MYO15B: variants seen among roughly 807,000 people sequenced by gnomAD.
MYO15B encodes the protein myosin XVB.
MYO15B carries 207 observed loss-of-function variants against 119.3 expected under a neutral mutation model. The ratio of observed to expected loss-of-function variants is 1.73; its 90% confidence interval spans 1.55 to 1.95. The LOEUF (loss-of-function observed/expected upper bound fraction) is 1.95. MYO15B is among the 30% of genes most tolerant of loss of function. The pLI, the probability that MYO15B is intolerant of heterozygous loss-of-function variation, is 0.00. For missense variants in MYO15B, 2,264 were observed against 1,203.1 expected, an observed-to-expected ratio of 1.88 and a Z score of -13.04; for synonymous variants, 966 against 498.9, an observed-to-expected ratio of 1.94 and a Z score of -12.48.
At chr17:75,603,226 A>G in exon 19 of MYO15B, 1 of 703,086 alleles carries the variant, frequency 1.4e-6, no homozygotes, top group Non-Finnish European at 2.6e-6. Context: ...TGACAGAGCA[A>G]CTGCACCAGG....
At chr17:75,626,346 C>T (rs1354028254) in intron 63 of MYO15B, 61 bp from the exon 64 acceptor site, 2 of 701,672 alleles carry the variant, frequency 2.9e-6, no homozygotes, top group Non-Finnish European at 2.6e-6. Flanking sequence ...GTGCTGTGGG[C>T]CGGGGCAGAG....
chr17:75,608,765 G>A (rs1054510110), intron 21 of MYO15B, among the ~76,000 whole-genome samples: 8 of 151,922 alleles, frequency 5.3e-5, no homozygotes, highest in African/African-American at 1.9e-4. Context: ...ATGGAGTCTC[G>A]CTCTGTTGCC....
chr17:75,622,419 G>C (rs185751891), intron 53 of MYO15B, among the ~76,000 whole-genome samples: 15 of 152,172 alleles, frequency 9.9e-5, no homozygotes, highest in Admixed American at 8.5e-4. Context: ...GTTCAGATGT[G>C]GGGGGAAGCC....
At chr17:75,592,430 C>T in exon 8 of MYO15B, 2 of 625,500 alleles carry the variant, frequency 3.2e-6, no homozygotes, top group East Asian at 2.7e-5. Context: ...TCCCCAAGGC[C>T]CAGGCTGAGC....
At chr17:75,601,139 G>C (rs2057254635) in intron 14 of MYO15B, among the ~76,000 whole-genome samples, 1 of 151,000 alleles carries the variant, frequency 6.6e-6, no homozygotes, top group Non-Finnish European at 1.5e-5. Flanking sequence ...TCCTGACCTT[G>C]TGATCTGCCT....
intron 18 of MYO15B, 37 bp downstream of exon 18, chr17:75,603,114 C>G (rs3803725): frequency 6.0e-5 from 42 of 703,110 alleles, no homozygotes; most frequent in African/African-American, 1.2e-4. Flanking sequence ...GGCCCTCCCC[C>G]TCCCTGCACC....
chr17:75,624,671 C>T, intron 58 of MYO15B, 32 bp downstream of exon 58: 1 of 702,926 alleles, frequency 1.4e-6, no homozygotes, highest in African/African-American at 1.7e-5. Context: ...CACGGTGGGG[C>T]CACTCCCCTG....
chr17:75,620,955 A>AGGGATG (rs1335189792), intron 49 of MYO15B, 76 bp from the exon 50 acceptor site: 9 of 700,026 alleles, frequency 1.3e-5, no homozygotes, highest in Admixed American at 1.0e-4. Flanking sequence ...CTGGCTGGGG[A>AGGGATG]GGGATGGGGC....
chr17:75,603,206 G>A (rs555819887), exon 19 of MYO15B: 13 of 703,040 alleles, frequency 1.8e-5, no homozygotes, highest in East Asian at 8.0e-5. Context: ...CCTCTTTGAC[G>A]TGGGACATGT....
At chr17:75,624,185 G>A in exon 56 of MYO15B, 2 of 702,990 alleles carry the variant, frequency 2.8e-6, no homozygotes, top group Non-Finnish European at 5.2e-6. Context: ...AGCTGGCCCG[G>A]AGCAGCCAGG....
chr17:75,619,620 A>G, intron 45 of MYO15B, 61 bp from the exon 46 acceptor site: 2 of 697,536 alleles, frequency 2.9e-6, no homozygotes, highest in South Asian at 1.5e-5. Context: ...GGGCAGCTCC[A>G]GGGCATCTTG....
At chr17:75,613,715 C>T (rs2058177548) in exon 29 of MYO15B, 2 of 702,328 alleles carry the variant, frequency 2.8e-6, no homozygotes, top group Non-Finnish European at 5.2e-6. Flanking sequence ...AGGAGTGCTA[C>T]TCGGCCGAGG....
intron 41 of MYO15B, chr17:75,617,607 C>T (rs2058456786): frequency 6.8e-6 from 4 of 589,374 alleles, no homozygotes; most frequent in African/African-American, 1.9e-5. Flanking sequence ...CATAGAAGAC[C>T]CACGAGCCTC....
chr17:75,615,091 T>G lies in MYO15B; in HGVS notation c.5641+49T>G, dbSNP rs1442539860. 3 of 693,328 alleles carry G rather than the reference T, an allele frequency of 4.3e-6. No homozygotes were observed. In the Admixed American group the frequency reaches 6.1e-5, roughly 14 times the overall value. 42.9% of individuals were successfully genotyped at this position (693,328 alleles called of 1,614,324 possible). On this transcript the variant is annotated intron_variant, in intron 33 of 63. Transcript: ENST00000645453. The stretch of plus-strand genomic sequence containing the variant: ...CCCAGGGCCTCCGGGCCCGGCAGCA[T>G]GGCAGGCATGGCCTGGGACCCCTCT...
chr17:75,620,058 G>A (rs971529684), intron 47 of MYO15B, 38 bp downstream of exon 47: 42 of 683,886 alleles, frequency 6.1e-5, no homozygotes, highest in Non-Finnish European at 1.0e-4. Flanking sequence ...CGGGCAGACA[G>A]CCCTCACCGA....
In MYO15B at chr17:75,591,989, CT is replaced by C. The variant is rs1229493573; in HGVS notation, c.2561del (p.Leu854ArgfsTer72). 1.4e-6 allele frequency: 1 copy of C among 702,522 alleles called. No individual in the cohort carries two copies. The highest frequency in any genetic ancestry group is 1.7e-5 in the African/African-American group (1 of 57,244). 43.5% of individuals were successfully genotyped at this position (702,522 alleles called of 1,614,324 possible). A position where few individuals can be genotyped will look rare whatever the true frequency, so the allele number is the denominator to read the frequency against. On this transcript the variant is annotated frameshift_variant, in exon 6 of 64. Coordinates refer to ENST00000645453, the Ensembl canonical transcript of MYO15B. LOFTEE classifies it high-confidence loss of function. ...CCTCCCTGTACAGGTGGAGGATATGCTGCCTATACTCAGCAGCTTTGGCCAT... is the reference window on the plus strand; with the variant it reads ...CCTCCCTGTACAGGTGGAGGATATGCGCCTATACTCAGCAGCTTTGGCCAT...
chr17:75,592,492 G>C, exon 8 of MYO15B: 1 of 608,654 alleles, frequency 1.6e-6, no homozygotes, highest in East Asian at 2.7e-5. Flanking sequence ...TCCATAGAGC[G>C]GGAGCGGCTC....
chr17:75,621,321 G>A (rs1394290790), intron 50 of MYO15B, 24 bp from the exon 51 acceptor site: 1 of 690,848 alleles, frequency 1.4e-6, no homozygotes, highest in African/African-American at 1.7e-5. Context: ...AACAAGCTGG[G>A]CTGTCTCCCT....
rs369746792 is a variant in MYO15B at position 75,605,819 on chromosome 17, G to A, written c.4135-45G>A. The A allele has an allele frequency of 4.2e-4, 277 of 654,000 alleles. 2 individuals are homozygous for A. In the East Asian group the frequency reaches 7.4e-3, roughly 17 times the overall value. 40.5% of individuals were successfully genotyped at this position (654,000 alleles called of 1,614,324 possible). ...GAGACCAGAGGAGGAGAGCAGGAGG[G>A]GCTGGCTCCTGGCTCCTGCCTACAG... On this transcript the variant is annotated intron_variant, in intron 20 of 63. Coordinates refer to ENST00000645453, the Ensembl canonical transcript of MYO15B.
Sources: gnomAD v4.1 joint callset for allele counts (sites outside exome capture counted in the v4.1 genomes callset) on GRCh38, gnomAD v4.1.1 for gene constraint, MANE v1.5 for transcripts, NCBI Gene and HGNC (gene_info 2026-07-23, HGNC 2026-07-21) for gene names.